Variants in ATRX observed in about 807,000 individuals in gnomAD.
ATRX encodes ATRX chromatin remodeler.
A neutral mutation model predicts 172.6 loss-of-function variants in ATRX; 12 were observed. That is an observed-to-expected ratio of 0.07 (90% confidence interval 0.04 to 0.11). The LOEUF is 0.11. ATRX is among the 10% of genes least tolerant of loss of function. The pLI is 1.00. For synonymous variants in ATRX, 674 were observed against 594.7 expected, an observed-to-expected ratio of 1.13 and a Z score of -1.94; for missense variants, 1,368 against 1,767.4, an observed-to-expected ratio of 0.77 and a Z score of 4.05.
chrX:77,520,958 T>C, intron 33 of ATRX, 42 bp from the exon 34 acceptor site: 1 of 1,135,337 alleles, frequency 8.8e-7, no homozygotes, highest in Non-Finnish European at 1.2e-6. Context: ...TACTGTACAA[T>C]TGAGGAAAAA....
chrX:77,755,857 T>C (rs1400254390), intron 1 of ATRX, among the ~76,000 whole-genome samples: 14 of 112,180 alleles, frequency 1.2e-4, no homozygotes, highest in Non-Finnish European at 1.9e-5. Flanking sequence ...AGAGCTCAAG[T>C]GCTGTGCTAG....
At chrX:77,664,808 C>T (rs2148499286) in intron 10 of ATRX, 30 bp from the exon 11 acceptor site, 2 of 1,162,307 alleles carry the variant, frequency 1.7e-6, no homozygotes, top group Non-Finnish European at 2.3e-6. Context: ...AAAAAAAGAA[C>T]TATATATCTG....
intron 28 of ATRX, among the ~76,000 whole-genome samples, chrX:77,562,197 C>T (rs912372356): frequency 1.8e-5 from 2 of 112,069 alleles, no homozygotes; most frequent in Non-Finnish European, 3.8e-5. Context: ...TTTGTTTATC[C>T]ATTCACATGT....
At chrX:77,571,853 ACT>A (rs1378579373) in intron 28 of ATRX, among the ~76,000 whole-genome samples, 27 of 111,263 alleles carry the variant, frequency 2.4e-4, no homozygotes, top group Admixed American at 1.5e-3. Flanking sequence ...CTAACGAGGC[ACT>A]CTGAGACTGC....
chrX:77,762,896 G>A (rs781925137), intron 1 of ATRX, among the ~76,000 whole-genome samples: 1 of 110,902 alleles, frequency 9.0e-6, no homozygotes, highest in South Asian at 3.7e-4. Context: ...GATGTGTACT[G>A]GCACCAGAAG....
chrX:77,680,730 G>A (rs1557136297), intron 9 of ATRX, among the ~76,000 whole-genome samples: 1 of 110,571 alleles, frequency 9.0e-6, no homozygotes, highest in African/African-American at 3.3e-5. Flanking sequence ...CCATAGAACT[G>A]ACAGGTCTTA....
chrX:77,537,299 G>A (rs1557048695), intron 30 of ATRX, among the ~76,000 whole-genome samples: 1 of 111,467 alleles, frequency 9.0e-6, no homozygotes, highest in Non-Finnish European at 1.9e-5. Flanking sequence ...GAAGTGCTGA[G>A]TACAGTGCCT....
intron 12 of ATRX, among the ~76,000 whole-genome samples, chrX:77,659,444 TAGC>T (rs1314534198): frequency 2.2e-4 from 24 of 107,196 alleles, no homozygotes; most frequent in African/African-American, 7.8e-4. Context: ...CACTTATTGT[TAGC>T]AGTTTACCAC....
intron 2 of ATRX, among the ~76,000 whole-genome samples, chrX:77,714,220 T>C (rs1489052176): frequency 9.0e-6 from 1 of 110,877 alleles, no homozygotes; most frequent in African/African-American, 3.3e-5. Context: ...AGAACTGAAT[T>C]CTGCCAACAA....
chrX:77,766,754 G>A (rs1335630935), intron 1 of ATRX, among the ~76,000 whole-genome samples: 4 of 107,070 alleles, frequency 3.7e-5, no homozygotes, highest in Non-Finnish European at 7.8e-5. Flanking sequence ...GCCAGGCAGA[G>A]GGGCTCCTCA....
At chrX:77,740,921 A>G (rs1557181747) in intron 1 of ATRX, among the ~76,000 whole-genome samples, 1 of 110,835 alleles carries the variant, frequency 9.0e-6, no homozygotes, top group African/African-American at 3.3e-5. Context: ...GTTCGAGACC[A>G]GCTTGGGGAA....
At chrX:77,659,024 G>T (rs782564983) in intron 12 of ATRX, among the ~76,000 whole-genome samples, 12 of 111,605 alleles carry the variant, frequency 1.1e-4, no homozygotes, top group Admixed American at 4.8e-4. Context: ...ATAAATGGGA[G>T]AACATAAATG....
intron 34 of ATRX, among the ~76,000 whole-genome samples, chrX:77,519,744 T>G (rs1281460518): frequency 9.0e-6 from 1 of 111,701 alleles, no homozygotes; most frequent in African/African-American, 3.3e-5. Context: ...GAGAACGGTT[T>G]GGAGGTTCCT....
chrX:77,669,703 T>TC, intron 10 of ATRX, among the ~76,000 whole-genome samples: 1 of 111,704 alleles, frequency 9.0e-6, no homozygotes, highest in Admixed American at 9.5e-5. Flanking sequence ...TTAATTTTTT[T>TC]TTTAATTTTA....
At chrX:77,570,831 T>C (rs2148006471) in intron 28 of ATRX, among the ~76,000 whole-genome samples, 1 of 111,735 alleles carries the variant, frequency 8.9e-6, no homozygotes, top group African/African-American at 3.2e-5. Flanking sequence ...CATATCTAGA[T>C]TATATAAAGA....
At chrX:77,701,439 G>A (rs2072502096) in intron 2 of ATRX, among the ~76,000 whole-genome samples, 1 of 109,736 alleles carries the variant, frequency 9.1e-6, no homozygotes, top group Non-Finnish European at 1.9e-5. Flanking sequence ...TTGAATCCAG[G>A]AGGTGGAGGC....
intron 22 of ATRX, among the ~76,000 whole-genome samples, chrX:77,605,866 A>G (rs2066886468): frequency 8.9e-6 from 1 of 112,092 alleles, no homozygotes; most frequent in African/African-American, 3.2e-5. Flanking sequence ...TACTTATGAA[A>G]AAAAAGAGAG....
intron 15 of ATRX, among the ~76,000 whole-genome samples, chrX:77,651,080 G>A (rs1161738876): frequency 1.8e-5 from 2 of 108,952 alleles, no homozygotes; most frequent in Non-Finnish European, 3.8e-5. Flanking sequence ...GGCCAGGCAT[G>A]GTGGCGTGCA....
At chrX:77,711,325 T>C (rs1036321483) in intron 2 of ATRX, among the ~76,000 whole-genome samples, 3 of 111,744 alleles carry the variant, frequency 2.7e-5, no homozygotes, top group African/African-American at 9.8e-5. Flanking sequence ...TTCTTCAATG[T>C]AATACTGGAA....
Sources: gnomAD v4.1 joint callset for allele counts (sites outside exome capture counted in the v4.1 genomes callset) on GRCh38, gnomAD v4.1.1 for gene constraint, MANE v1.5 for transcripts, NCBI Gene and HGNC (gene_info 2026-07-23, HGNC 2026-07-21) for gene names.